The following LNPEP variants were observed in gnomAD, a reference collection of about 807,000 sequenced individuals.
The protein encoded by LNPEP is leucyl and cystinyl aminopeptidase.
A neutral mutation model predicts 120.6 loss-of-function variants in LNPEP; 64 were observed. That is an observed-to-expected ratio of 0.53 (90% CI 0.43 to 0.65). The LOEUF is 0.65. LNPEP is among the 30% of genes least tolerant of loss of function. LNPEP has a pLI of 0.00. For synonymous variants in LNPEP, 435 were observed against 425.4 expected, an observed-to-expected ratio of 1.02 and a Z score of -0.28; for missense variants, 1,057 against 1,200.0, an observed-to-expected ratio of 0.88 and a Z score of 1.76.
intron 1 of LNPEP, among the ~76,000 whole-genome samples, chr5:96,946,704 T>C (rs551153089): frequency 6.6e-6 from 1 of 152,210 alleles, no homozygotes; most frequent in Non-Finnish European, 1.5e-5. Context: ...CAGTTGTAAA[T>C]TGATGACAAA....
intron 1 of LNPEP, among the ~76,000 whole-genome samples, chr5:96,947,716 A>G (rs1048200063): frequency 3.9e-5 from 6 of 152,196 alleles, no homozygotes; most frequent in East Asian, 1.9e-4. Context: ...AACTTTGTAC[A>G]TTATTATAAA....
At chr5:97,011,897 T>A (rs1790937405) in intron 11 of LNPEP, among the ~76,000 whole-genome samples, 1 of 152,186 alleles carries the variant, frequency 6.6e-6, no homozygotes, top group Non-Finnish European at 1.5e-5. Context: ...ATAATTGGAA[T>A]AACAAAGATA....
At chr5:97,012,928 T>A (rs1790974589) in intron 11 of LNPEP, among the ~76,000 whole-genome samples, 1 of 152,206 alleles carries the variant, frequency 6.6e-6, no homozygotes, top group South Asian at 2.1e-4. Flanking sequence ...TTTGCTAGCT[T>A]TAAATAATGT....
intron 1 of LNPEP, among the ~76,000 whole-genome samples, chr5:96,964,923 T>C (rs771188470): frequency 5.3e-5 from 8 of 152,300 alleles, no homozygotes; most frequent in South Asian, 4.1e-4. Flanking sequence ...TAATATTTTC[T>C]TGTTTTTCTG....
rs140200533 is a variant in LNPEP at position 96,988,103 on chromosome 5, A to G, written c.1131+1433A>G. ...GCACTTTTTATGTATCCCAAAATGT[A>G]TGCAGTCTTGGCATTTTCCCCCCTT... On this transcript the variant is annotated intron_variant, in intron 4 of 17. Transcript: ENST00000231368. Among the ~76,000 whole-genome samples the G allele has an allele frequency of 2.3e-3, 351 of 151,968 alleles. 1 individual carries two copies. The highest frequency in any genetic ancestry group is 8.3e-3 in the African/African-American group (344 of 41,440).
At chr5:97,028,051 A>G (rs1791388872) in intron 17 of LNPEP, among the ~76,000 whole-genome samples, 1 of 152,214 alleles carries the variant, frequency 6.6e-6, no homozygotes, top group Non-Finnish European at 1.5e-5. Context: ...AAATAATTTA[A>G]GTGGTCATAA....
chr5:97,033,980 CT>C lies in LNPEP; in HGVS notation c.*5452del, dbSNP rs1335455863. On this transcript the variant is annotated 3_prime_UTR_variant, in exon 18 of 18. Coordinates refer to ENST00000231368, the MANE Select transcript of LNPEP (RefSeq NM_005575.3). ...GGAGGGGTCTAAGGCAGAATATATC[CT>C]TTTTAAAAATGTATATATACTTTTC... is the stretch of plus-strand genomic sequence containing the variant. 2 of 151,826 alleles carry C rather than the reference CT, an allele frequency of 1.3e-5. No individual in the cohort carries two copies. Among genetic ancestry groups the C allele is most frequent in the South Asian group, 2.1e-4 (1 of 4,816 alleles). The allele number at this position is 151,826 out of a possible 1,614,324, so 9.4% of individuals were successfully genotyped here. A position where few individuals can be genotyped will look rare whatever the true frequency, so the allele number is the denominator to read the frequency against.
chr5:96,957,946 C>T (rs1358051246), intron 1 of LNPEP, among the ~76,000 whole-genome samples: 2 of 152,172 alleles, frequency 1.3e-5, no homozygotes, highest in African/African-American at 4.8e-5. Context: ...TTTAAGGGAT[C>T]CTCTTTTCTG....
At chr5:96,985,874 A>G (rs575278940) in intron 3 of LNPEP, among the ~76,000 whole-genome samples, 20 of 152,184 alleles carry the variant, frequency 1.3e-4, no homozygotes, top group African/African-American at 4.8e-4. Flanking sequence ...TATGGAGCCA[A>G]TCCTGTAGGC....
chr5:97,012,018 A>C (rs1790941934), intron 11 of LNPEP, among the ~76,000 whole-genome samples: 2 of 152,314 alleles, frequency 1.3e-5, no homozygotes, highest in East Asian at 1.9e-4. Flanking sequence ...TTCAGGTACT[A>C]ATATATAATC....
chr5:97,013,627 C>T (rs763523479), intron 11 of LNPEP, 21 bp from the exon 12 acceptor site: 26 of 1,374,508 alleles, frequency 1.9e-5, no homozygotes, highest in Non-Finnish European at 2.4e-5. Flanking sequence ...CTCAATCTCT[C>T]ATTTTTTTGG....
intron 1 of LNPEP, among the ~76,000 whole-genome samples, chr5:96,950,117 C>G (rs7733312): frequency 0.37 from 56,545 of 152,002 alleles, 10,686 homozygotes; most frequent in Non-Finnish European, 0.42. Context: ...ACAGAGAAGA[C>G]AGTGCTAAAT....
At chr5:96,999,737 G>A (rs987518389) in intron 8 of LNPEP, among the ~76,000 whole-genome samples, 5 of 152,094 alleles carry the variant, frequency 3.3e-5, no homozygotes, top group Middle Eastern at 3.4e-3. Flanking sequence ...TTCTGAATAT[G>A]TAGTTTCCAT....
At chr5:96,938,145 G>T (rs1418503362) in intron 1 of LNPEP, among the ~76,000 whole-genome samples, 1 of 152,214 alleles carries the variant, frequency 6.6e-6, no homozygotes, top group Non-Finnish European at 1.5e-5. Flanking sequence ...TTGAAGGATT[G>T]CTGTAGAATT....
chr5:96,974,250 C>T (rs1248288365), intron 1 of LNPEP, among the ~76,000 whole-genome samples: 1 of 152,166 alleles, frequency 6.6e-6, no homozygotes, highest in Non-Finnish European at 1.5e-5. Context: ...GCCTTCCCAA[C>T]AACTTGCCTT....
chr5:97,009,090 A>G (rs1790863252), intron 11 of LNPEP, among the ~76,000 whole-genome samples: 1 of 152,140 alleles, frequency 6.6e-6, no homozygotes, highest in South Asian at 2.1e-4. Flanking sequence ...CCGCACAAAA[A>G]TTCTATCAGC....
intron 1 of LNPEP, among the ~76,000 whole-genome samples, chr5:96,977,866 T>C (rs541217028): frequency 6.6e-6 from 1 of 152,192 alleles, no homozygotes; most frequent in African/African-American, 2.4e-5. Flanking sequence ...TTTTATTGAA[T>C]TAGTTTGAGT....
At chr5:96,969,428 G>T (rs1441140782) in intron 1 of LNPEP, among the ~76,000 whole-genome samples, 2 of 151,970 alleles carry the variant, frequency 1.3e-5, no homozygotes, top group African/African-American at 4.8e-5. Context: ...ATTATTACTG[G>T]CTAAATAATT....
At chr5:97,022,550 C>A in intron 14 of LNPEP, 66 bp downstream of exon 14, 2 of 1,261,638 alleles carry the variant, frequency 1.6e-6, no homozygotes, top group South Asian at 1.3e-5. Flanking sequence ...ATACAGTATC[C>A]AGGGTATTCT....
Sources: allele counts gnomAD v4.1 joint callset (sites outside exome capture counted in the v4.1 genomes callset), GRCh38; gene constraint gnomAD v4.1.1; transcripts MANE v1.5; gene names NCBI Gene and HGNC (gene_info 2026-07-23, HGNC 2026-07-21).